SLC22A9: variants seen among roughly 807,000 people sequenced by gnomAD.
SLC22A9 encodes the protein solute carrier family 22 member 9, also known as organic anion transporter 7.
A neutral mutation model predicts 50.1 loss-of-function variants in SLC22A9; 64 were observed. That is an observed-to-expected ratio of 1.28 (90% CI 1.04 to 1.57). SLC22A9 has a LOEUF of 1.57. Ranked by LOEUF, SLC22A9 falls within the 40% of genes most tolerant of loss-of-function variation. The probability of loss-of-function intolerance (pLI) is 0.00; values close to 1 mark genes in which losing one functional copy is unlikely to be tolerated. For missense variants in SLC22A9, 757 were observed against 676.1 expected (o/e 1.12, Z -1.33); for synonymous variants, 261 against 242.5 (o/e 1.08, Z -0.71).
chr11:63,379,211 T>C (rs561715358), intron 5 of SLC22A9, among the ~76,000 whole-genome samples: 1 of 152,024 alleles, frequency 6.6e-6, no homozygotes, highest in Non-Finnish European at 1.5e-5. Flanking sequence ...TGAGAAATAA[T>C]GCCATACCTC....
rs1591014135 is a variant in SLC22A9 at position 63,376,805 on chromosome 11, A to T, written c.954+1037A>T. ...CCCAATTGTATACTGACTTCCAGAG[A>T]CACTCACATGCAGTGACACCTATAG... On this transcript the variant is annotated intron_variant, in intron 5 of 9. Coordinates refer to ENST00000279178, the MANE Select transcript of SLC22A9 (RefSeq NM_080866.3). Among the ~76,000 whole-genome samples, 5 of 151,970 alleles carry T rather than the reference A, an allele frequency of 3.3e-5. No homozygotes were observed. In the South Asian group the frequency reaches 1.0e-3, roughly 31 times the overall value.
Position 63,375,768 on chromosome 11 carries a change from G to T in SLC22A9, c.954G>T (p.Glu318Asp). ...MKNARDTLTL[E>D]ILKSTMKKEL... is the part of the protein sequence containing the mutation. ...ATGCCAGAGACACCCTAACCCTGGA[G>T]GTGAGCTGGATGGGAGCTAGATATG... The change falls in exon 5 of 10, where the codon GAG becomes GAT. Residue 318 changes from glutamate to aspartate, a missense_variant and splice_region_variant. Glu to Asp is a conservative substitution (Grantham distance 45). Coordinates refer to ENST00000279178, the MANE Select transcript of SLC22A9 (RefSeq NM_080866.3). The T allele has an allele frequency of 6.2e-7, 1 of 1,611,406 alleles. No individual in the cohort carries two copies. The highest frequency in any genetic ancestry group is 8.5e-7 in the Non-Finnish European group (1 of 1,178,272).
chr11:63,378,724 C>A (rs546483672), intron 5 of SLC22A9, among the ~76,000 whole-genome samples: 5 of 152,096 alleles, frequency 3.3e-5, no homozygotes, highest in Non-Finnish European at 7.4e-5. Context: ...TATACGCTGA[C>A]ATCGTTAAAG....
chr11:63,388,826 C>A (rs537491314), intron 6 of SLC22A9, among the ~76,000 whole-genome samples: 31 of 151,992 alleles, frequency 2.0e-4, no homozygotes, highest in African/African-American at 6.0e-4. Context: ...TGCTGAAAGA[C>A]CTTTTATTAT....
intron 6 of SLC22A9, among the ~76,000 whole-genome samples, chr11:63,391,875 T>C (rs2014769852): frequency 6.6e-6 from 1 of 152,002 alleles, no homozygotes. Flanking sequence ...TGTTTTGTGG[T>C]AGTATCTTCC....
chr11:63,402,473 G>T (rs1365295052), intron 6 of SLC22A9, among the ~76,000 whole-genome samples: 1 of 151,952 alleles, frequency 6.6e-6, no homozygotes, highest in Non-Finnish European at 1.5e-5. Context: ...ATTGGTCTAT[G>T]TATCTGCTCT....
chr11:63,388,054 C>T (rs2014699711), intron 6 of SLC22A9, among the ~76,000 whole-genome samples: 1 of 151,964 alleles, frequency 6.6e-6, no homozygotes, highest in African/African-American at 2.4e-5. Flanking sequence ...TTTCTTGTTT[C>T]TAATAGCTTT....
intron 6 of SLC22A9, among the ~76,000 whole-genome samples, chr11:63,404,215 A>G (rs2014999263): frequency 7.0e-6 from 1 of 142,164 alleles, no homozygotes; most frequent in Non-Finnish European, 1.5e-5. Context: ...GGGCTAGCAC[A>G]GAAGAACAAA....
Position 63,370,259 on chromosome 11 carries a change from G to A in SLC22A9, c.203G>A (p.Ser68Asn), listed in dbSNP as rs529828683. ...TCTGACAATGACACTGGGGCCCTCAGCCAAGATGCACTCTTGAGAATCTCC... is the reference window on the plus strand; with the variant it reads ...TCTGACAATGACACTGGGGCCCTCAACCAAGATGCACTCTTGAGAATCTCC... ...TVSDNDTGALSQDALLRISIP... is the reference protein window; with the variant it reads ...TVSDNDTGALNQDALLRISIP... The change falls in exon 1 of 10, where the codon AGC (serine) becomes AAC (asparagine). Residue 68 changes from serine (S) to asparagine (N), a missense_variant. Ser to Asn is a conservative substitution (Grantham distance 46). Transcript: ENST00000279178. 5 of 1,614,072 alleles carry A rather than the reference G, an allele frequency of 3.1e-6. No individual in the cohort carries two copies. The South Asian group carries it at 4.4e-5, about 14-fold the overall frequency.
At chr11:63,403,156 A>T in intron 6 of SLC22A9, among the ~76,000 whole-genome samples, 1 of 152,266 alleles carries the variant, frequency 6.6e-6, no homozygotes, top group Middle Eastern at 3.4e-3. Flanking sequence ...AAAGAATTCC[A>T]TATTAATCCA....
At chr11:63,395,748 C>T (rs625278) in intron 6 of SLC22A9, among the ~76,000 whole-genome samples, 3,965 of 152,122 alleles carry the variant, frequency 0.026, 137 homozygotes, top group East Asian at 0.11. Flanking sequence ...GAGAAACCAG[C>T]AGTGAATGGG....
intron 6 of SLC22A9, among the ~76,000 whole-genome samples, chr11:63,383,377 GAC>G (rs1186420408): frequency 6.6e-6 from 1 of 152,134 alleles, no homozygotes; most frequent in Non-Finnish European, 1.5e-5. Context: ...TAGTACAGCA[GAC>G]AGACACCACG....
At chr11:63,379,670 A>G (rs1002700149) in intron 5 of SLC22A9, among the ~76,000 whole-genome samples, 1 of 152,184 alleles carries the variant, frequency 6.6e-6, no homozygotes, top group East Asian at 1.9e-4. Context: ...TGAACAAATT[A>G]AAAAAGAACA....
Position 63,409,573 on chromosome 11 carries a change from G to A in SLC22A9, c.1602-229G>A, listed in dbSNP as rs547894670. On this transcript the variant is annotated intron_variant, in intron 9 of 9. Transcript: ENST00000279178. The stretch of plus-strand genomic sequence containing the variant: ...AGGCTGGACAAGCTTGCACCAAGGC[G>A]TCCAAGGATGACAAGTAGAAAGTAT... 1.2e-4 allele frequency among the ~76,000 whole-genome samples: 18 copies of A among 152,210 alleles called. No homozygotes were observed. In the East Asian group the frequency reaches 1.5e-3, roughly 13 times the overall value.
In SLC22A9 at chr11:63,374,050, T is replaced by A; in HGVS notation, c.818T>A (p.Phe273Tyr). The A allele has an allele frequency of 6.2e-7, 1 of 1,608,888 alleles. No individual in the cohort carries two copies. The highest frequency in any genetic ancestry group is 8.5e-7 in the Non-Finnish European group (1 of 1,178,252). Residue 273 changes from phenylalanine (F) to tyrosine (Y), a missense_variant, in exon 4 of 10, where the codon TTT becomes TAT. Phe to Tyr is a conservative substitution (Grantham distance 22). Transcript: ENST00000279178. The part of the protein sequence containing the change: ...LVVSVPYFVI[F>Y]LTSSWLLESA... ...GTGTCTGTACCATACTTTGTGATCT[T>A]TCTGACCTCAAGGTATGAGTTTGTT...
chr11:63,388,334 A>T (rs1381978072), intron 6 of SLC22A9, among the ~76,000 whole-genome samples: 1 of 150,510 alleles, frequency 6.6e-6, no homozygotes, highest in African/African-American at 2.4e-5. Context: ...ATGTTGAGGT[A>T]TGTTCTTCTA....
At chr11:63,399,258 G>C (rs567230157) in intron 6 of SLC22A9, among the ~76,000 whole-genome samples, 1 of 152,114 alleles carries the variant, frequency 6.6e-6, no homozygotes, top group South Asian at 2.1e-4. Flanking sequence ...ACATGAAATA[G>C]CTGAATGGGT....
At chr11:63,374,973 A>G (rs2014434802) in intron 4 of SLC22A9, among the ~76,000 whole-genome samples, 1 of 152,156 alleles carries the variant, frequency 6.6e-6, no homozygotes, top group Non-Finnish European at 1.5e-5. Flanking sequence ...TCCCCTTAAA[A>G]AAGCCAGTTC....
chr11:63,410,092 C>T lies in SLC22A9; in HGVS notation c.*230C>T, dbSNP rs937300346. 6 of 385,898 alleles carry T rather than the reference C, an allele frequency of 1.6e-5. No homozygotes were observed. Among genetic ancestry groups the T allele is most frequent in the Non-Finnish European group, 2.9e-5 (6 of 209,200 alleles). The allele number at this position is 385,898 out of a possible 1,614,324, so 23.9% of individuals were successfully genotyped here. A position where few individuals can be genotyped will look rare whatever the true frequency, so the allele number is the denominator to read the frequency against. ...TGTCTCTACTAAAACAAATACAAAACTTCGCTGGGCACAGTGGCACAGGCC... is the reference window on the plus strand; with the variant it reads ...TGTCTCTACTAAAACAAATACAAAATTTCGCTGGGCACAGTGGCACAGGCC... On this transcript the variant is annotated 3_prime_UTR_variant, in exon 10 of 10. Coordinates refer to ENST00000279178, the MANE Select transcript of SLC22A9 (RefSeq NM_080866.3).
Sources: allele counts gnomAD v4.1 joint callset (sites outside exome capture counted in the v4.1 genomes callset), GRCh38; gene constraint gnomAD v4.1.1; transcripts MANE v1.5; gene names NCBI Gene and HGNC (gene_info 2026-07-23, HGNC 2026-07-21).